The following SGPP2 variants were observed in gnomAD, a reference collection of about 807,000 sequenced individuals.
SGPP2 encodes the protein sphingosine-1-phosphate phosphatase 2, also known as sphingosine 1-phosphate phosphohydrolase 2.
In SGPP2, 30 loss-of-function variants were observed where a neutral mutation model predicts 33.9. The observed-to-expected ratio is 0.89, with a 90% CI of 0.66 to 1.20. SGPP2 has a LOEUF of 1.20. Among genes scored for constraint, SGPP2 ranks in the 50% most tolerant of loss-of-function variants. The probability of loss-of-function intolerance (pLI) is 0.00; values close to 1 mark genes in which losing one functional copy is unlikely to be tolerated. For missense variants in SGPP2, 458 were observed against 532.1 expected, an observed-to-expected ratio of 0.86 and a Z score of 1.37; for synonymous variants, 233 against 225.0, an observed-to-expected ratio of 1.04 and a Z score of -0.32.
intron 3 of SGPP2, among the ~76,000 whole-genome samples, chr2:222,523,708 T>G (rs922286180): frequency 6.6e-6 from 1 of 150,832 alleles, no homozygotes. Flanking sequence ...TATTTATTGG[T>G]TTATTTATAT....
At chr2:222,524,242 C>T (rs1451760461) in intron 3 of SGPP2, among the ~76,000 whole-genome samples, 1 of 152,226 alleles carries the variant, frequency 6.6e-6, no homozygotes, top group East Asian at 1.9e-4. Context: ...TTGCCTAATA[C>T]AGACAGTGCC....
intron 2 of SGPP2, among the ~76,000 whole-genome samples, chr2:222,475,901 C>T (rs1250183152): frequency 6.6e-6 from 1 of 152,168 alleles, no homozygotes; most frequent in African/African-American, 2.4e-5. Flanking sequence ...GAATAATGTG[C>T]CTCCCCAGAA....
intron 1 of SGPP2, among the ~76,000 whole-genome samples, chr2:222,435,028 G>GTATATATATGTGTATATATACACA (rs71053083): frequency 0.73 from 101,845 of 140,256 alleles, 37,056 homozygotes; most frequent in Middle Eastern, 0.85. Flanking sequence ...GTATATGTGT[G>GTATATATATGTGTATATATACACA]TATATATATG....
intron 1 of SGPP2, among the ~76,000 whole-genome samples, chr2:222,436,713 G>A (rs115685527): frequency 5.4e-4 from 82 of 152,316 alleles, no homozygotes; most frequent in Non-Finnish European, 1.0e-3. Context: ...AGAACATTGC[G>A]TGCAGGATAG....
In SGPP2 at chr2:222,477,204, C is replaced by T. The variant is rs1697954349; in HGVS notation, c.378+2478C>T. 7.3e-6 allele frequency among the ~76,000 whole-genome samples: 1 copy of T among 136,710 alleles called. No individual in the cohort carries two copies. Among genetic ancestry groups the T allele is most frequent in the Non-Finnish European group, 1.6e-5 (1 of 63,614 alleles). The allele number at this position is 136,710 out of a possible 152,430, so 89.7% of individuals were successfully genotyped here. ...GTGTATGTGTGTATATATGTGTGTGCATAGGTGCATATATATGTTTATGTA... is the reference window on the plus strand; with the variant it reads ...GTGTATGTGTGTATATATGTGTGTGTATAGGTGCATATATATGTTTATGTA... On this transcript the variant is annotated intron_variant, in intron 2 of 4. Transcript: ENST00000321276. This position sits in a 1 kb window ranked among gnomAD's most constrained non-coding sequence, Gnocchi z 6.0.
Position 222,474,585 on chromosome 2 carries a change from C to T in SGPP2, c.237C>T (p.Tyr79=), listed in dbSNP as rs182912853. 102 of 1,613,910 alleles carry T rather than the reference C, an allele frequency of 6.3e-5. No homozygotes were observed. The highest frequency in any genetic ancestry group is 2.7e-4 in the African/African-American group (20 of 75,010). Residue 79 remains tyrosine, a synonymous_variant, in exon 2 of 5, where the codon TAC becomes TAT. Transcript: ENST00000321276. ...AAAPEAYVQK[Y]VVKNYFYYYL... is the part of the protein sequence containing the mutation. ...TCTTTTAGGCTTATGTACAGAAGTACGTCGTGAAGAATTATTTCTACTATT... is the reference window on the plus strand; with the variant it reads ...TCTTTTAGGCTTATGTACAGAAGTATGTCGTGAAGAATTATTTCTACTATT...
chr2:222,450,342 C>T (rs1011713157), intron 1 of SGPP2, among the ~76,000 whole-genome samples: 3 of 152,184 alleles, frequency 2.0e-5, no homozygotes, highest in East Asian at 1.9e-4. Flanking sequence ...ATTGTTGAAG[C>T]TCCTTTTAGC....
chr2:222,525,794 A>G (rs1194015406), intron 4 of SGPP2, among the ~76,000 whole-genome samples: 1 of 152,198 alleles, frequency 6.6e-6, no homozygotes, highest in African/African-American at 2.4e-5. Flanking sequence ...TCTGAAGCTC[A>G]AAAGTTAAGT....
At chr2:222,458,408 CACCAAG>C (rs1697604548) in intron 1 of SGPP2, among the ~76,000 whole-genome samples, 2 of 152,104 alleles carry the variant, frequency 1.3e-5, no homozygotes, top group African/African-American at 2.4e-5. Context: ...GATAACATTT[CACCAAG>C]CCAGGACAGC....
intron 1 of SGPP2, chr2:222,453,019 G>C: frequency 4.4e-6 from 7 of 1,580,538 alleles, no homozygotes; most frequent in Middle Eastern, 1.7e-4. Context: ...CTGGTCTTCT[G>C]TTTCTTGACT....
intron 1 of SGPP2, among the ~76,000 whole-genome samples, chr2:222,458,681 C>T (rs1183660268): frequency 1.3e-5 from 2 of 152,066 alleles, no homozygotes; most frequent in African/African-American, 4.8e-5. Context: ...CTATGTTGTT[C>T]CTAGTATATT....
At chr2:222,435,402 A>ACCCTC (rs1190279335) in intron 1 of SGPP2, among the ~76,000 whole-genome samples, 1 of 152,102 alleles carries the variant, frequency 6.6e-6, no homozygotes, top group Non-Finnish European at 1.5e-5. Flanking sequence ...CTTTGGCAAC[A>ACCCTC]CCCTCACAGA....
At position 222,511,193 on chromosome 2, in the gene SGPP2, T is replaced by C. The variant is rs79951058; in HGVS notation, c.379-10574T>C. On this transcript the variant is annotated intron_variant, in intron 2 of 4. Transcript: ENST00000321276. ...GCCCAGCCATCCAGAACAGAGCCCA[T>C]GCTGGAAGCTTTTCCACACTGTAAG... Among the ~76,000 whole-genome samples, 720 of 152,302 alleles carry C rather than the reference T, an allele frequency of 4.7e-3. 35 individuals carry two copies. The East Asian group carries it at 0.11, about 23-fold the overall frequency.
At chr2:222,549,671 A>T (rs183641715) in intron 4 of SGPP2, among the ~76,000 whole-genome samples, 56 of 152,328 alleles carry the variant, frequency 3.7e-4, no homozygotes, top group African/African-American at 1.1e-3. Flanking sequence ...AAAATAGATT[A>T]AAAAATCAAA....
chr2:222,525,310 A>G (rs1698742346), intron 4 of SGPP2, among the ~76,000 whole-genome samples: 1 of 152,126 alleles, frequency 6.6e-6, no homozygotes, highest in Non-Finnish European at 1.5e-5. Context: ...TTATATTCAC[A>G]TCAGTTTACT....
chr2:222,548,076 G>A (rs182012727), intron 4 of SGPP2, among the ~76,000 whole-genome samples: 401 of 152,280 alleles, frequency 2.6e-3, no homozygotes, highest in Non-Finnish European at 3.7e-3. Context: ...ACCTTTGTAG[G>A]TTTCATTTCC....
rs538859258 is a variant in SGPP2 at position 222,427,303 on chromosome 2, C to G, written c.219+2482C>G. On this transcript the variant is annotated intron_variant, in intron 1 of 4. Coordinates refer to ENST00000321276, the MANE Select transcript of SGPP2 (RefSeq NM_152386.4). ...AGAGACAGGGTCTTGCTGTGTCACC[C>G]AGGGTGGAGTGCAGTGGCACAATCA... Among the ~76,000 whole-genome samples the G allele has an allele frequency of 1.9e-3, 288 of 152,254 alleles. 1 individual carries two copies. Among genetic ancestry groups the G allele is most frequent in the African/African-American group, 6.6e-3 (274 of 41,536 alleles).
At chr2:222,452,758 C>T (rs1697511794) in intron 1 of SGPP2, 3 of 1,467,114 alleles carry the variant, frequency 2.0e-6, no homozygotes, top group Middle Eastern at 1.7e-4. Flanking sequence ...ACCAGGCATT[C>T]CTGGTGGTAA....
intron 1 of SGPP2, among the ~76,000 whole-genome samples, chr2:222,456,674 C>G (rs1326154568): frequency 6.6e-6 from 1 of 152,206 alleles, no homozygotes; most frequent in Non-Finnish European, 1.5e-5. Flanking sequence ...AGATTCTAAG[C>G]ATCTTCTGGG....
Sources: allele counts gnomAD v4.1 joint callset (sites outside exome capture counted in the v4.1 genomes callset), GRCh38; gene constraint gnomAD v4.1.1; non-coding constraint Gnocchi (gnomAD v3.1); transcripts MANE v1.5; gene names NCBI Gene and HGNC (gene_info 2026-07-23, HGNC 2026-07-21).